ABTB2: variants seen among roughly 807,000 people sequenced by gnomAD.
ABTB2 encodes ankyrin repeat and BTB domain containing 2, also known as ankyrin repeat and BTB/POZ domain-containing protein 2.
Under a neutral mutation model 104.1 loss-of-function variants are expected in ABTB2, and 56 were observed. The ratio of observed to expected loss-of-function variants is 0.54; its 90% CI spans 0.43 to 0.67. The LOEUF (loss-of-function observed/expected upper bound fraction) is 0.67. Ranked by LOEUF, ABTB2 falls within the 30% of genes least tolerant of loss-of-function variation. ABTB2 has a pLI of 0.00. For missense variants in ABTB2, 1,279 were observed against 1,407.7 expected (o/e 0.91, Z 1.46); for synonymous variants, 606 against 608.2 (o/e 1.00, Z 0.05).
chr11:34,172,405 T>G (rs1374532676), intron 4 of ABTB2, among the ~76,000 whole-genome samples: 1 of 66,310 alleles, frequency 1.5e-5, no homozygotes, highest in Non-Finnish European at 3.4e-5. Flanking sequence ...AATATATATA[T>G]ATATATATAT....
chr11:34,206,172 C>A (rs1362874599), intron 1 of ABTB2, among the ~76,000 whole-genome samples: 1 of 152,046 alleles, frequency 6.6e-6, no homozygotes, highest in Non-Finnish European at 1.5e-5. Context: ...CCAGCCTGGC[C>A]AACACGGAGA....
intron 3 of ABTB2, among the ~76,000 whole-genome samples, chr11:34,188,198 C>T (rs943899673): frequency 6.6e-6 from 1 of 152,148 alleles, no homozygotes; most frequent in East Asian, 1.9e-4. Flanking sequence ...GAGCCGGGAC[C>T]CCATATCATG....
At chr11:34,223,587 C>G (rs1853652637) in intron 1 of ABTB2, among the ~76,000 whole-genome samples, 1 of 152,240 alleles carries the variant, frequency 6.6e-6, no homozygotes, top group African/African-American at 2.4e-5. Context: ...GTGGCCCATG[C>G]TCTAGCTCTG....
chr11:34,165,393 G>T, intron 7 of ABTB2, 37 bp from the exon 8 acceptor site: 1 of 1,543,868 alleles, frequency 6.5e-7, no homozygotes, highest in Non-Finnish European at 8.8e-7. Flanking sequence ...ACTGCTCAGC[G>T]TGGCAGGGAG....
chr11:34,178,353 G>C lies in ABTB2; in HGVS notation c.1245-5046C>G, dbSNP rs1398621466. Among the ~76,000 whole-genome samples, 4 of 152,214 alleles carry C rather than the reference G, an allele frequency of 2.6e-5. No homozygotes were observed. The East Asian group carries it at 7.7e-4, about 29-fold the overall frequency. On this transcript the variant is annotated intron_variant, in intron 3 of 16. Transcript: ENST00000435224. ...GGAACATGCCTTCCATGGGCTGTGG[G>C]TTCCAGGCTACTGTTTCCTTCCTGA...
intron 1 of ABTB2, among the ~76,000 whole-genome samples, chr11:34,321,961 T>C (rs1292477697): frequency 2.6e-5 from 4 of 152,088 alleles, no homozygotes; most frequent in Non-Finnish European, 4.4e-5. Flanking sequence ...AAGCCCAAAC[T>C]CATACCCCCA....
In ABTB2 at chr11:34,160,344, C is replaced by T. The variant is rs540401762; in HGVS notation, c.2407G>A (p.Val803Ile). The T allele has an allele frequency of 5.0e-5, 80 of 1,613,792 alleles. 1 individual carries two copies. In the South Asian group the frequency reaches 6.0e-4, roughly 12 times the overall value. ...AAGATGGTAGCCAGTTGCTGGATGA[C>T]GGAGTCGTTCTGTGGGGAGAGGAGA... is the stretch of plus-strand genomic sequence containing the variant. ...DILKTSKNDS[V>I]IQQLATIFTH... The change falls in exon 12 of 17, where the codon GTC (valine) becomes ATC (isoleucine). Residue 803 changes from valine to isoleucine, a missense_variant. Physicochemically the swap from Val to Ile is conservative, Grantham distance 29. Transcript: ENST00000435224.
intron 1 of ABTB2, among the ~76,000 whole-genome samples, chr11:34,283,432 T>C (rs1180176087): frequency 1.3e-5 from 2 of 152,142 alleles, no homozygotes; most frequent in Non-Finnish European, 2.9e-5. Flanking sequence ...GCCAGGCTGA[T>C]CTCGAACTCC....
At chr11:34,209,993 A>C (rs1435100200) in intron 1 of ABTB2, among the ~76,000 whole-genome samples, 1 of 151,890 alleles carries the variant, frequency 6.6e-6, no homozygotes, top group Non-Finnish European at 1.5e-5. Context: ...CTGAGTTAGA[A>C]GGGAAACCCA....
intron 7 of ABTB2, 142 bp downstream of exon 7, chr11:34,167,117 G>A (rs1029475954): frequency 7.0e-6 from 5 of 716,142 alleles, no homozygotes; most frequent in African/African-American, 1.8e-5. Context: ...CTGCTCTATC[G>A]ATCAGGTGAG....
In ABTB2 at chr11:34,162,914, G is replaced by A. The variant is rs955498012; in HGVS notation, c.1989-109C>T. The A allele has an allele frequency of 1.6e-4, 173 of 1,064,160 alleles. No individual in the cohort carries two copies. In the Admixed American group the frequency reaches 2.2e-3, roughly 13 times the overall value. 65.9% of individuals were successfully genotyped at this position (1,064,160 alleles called of 1,614,324 possible). Reference sequence around the variant, plus strand: ...CCCGACGGGCTGCTCTGGGGTACCCGAGGGCTCGGAGTTTCATGGTCTTCC... The same window carrying A: ...CCCGACGGGCTGCTCTGGGGTACCCAAGGGCTCGGAGTTTCATGGTCTTCC... On this transcript the variant is annotated intron_variant, in intron 9 of 16. Transcript: ENST00000435224.
chr11:34,321,696 C>A (rs113187020), intron 1 of ABTB2, among the ~76,000 whole-genome samples: 159 of 152,310 alleles, frequency 1.0e-3, no homozygotes, highest in Non-Finnish European at 1.7e-3. Context: ...TTGGGTTTTG[C>A]CTGATTTTCC....
At chr11:34,344,669 G>C (rs912469542) in intron 1 of ABTB2, among the ~76,000 whole-genome samples, 2 of 152,116 alleles carry the variant, frequency 1.3e-5, no homozygotes, top group Admixed American at 6.6e-5. Flanking sequence ...GCTAGTTTTT[G>C]TATTTTTTTG....
intron 3 of ABTB2, among the ~76,000 whole-genome samples, chr11:34,182,510 A>G (rs111980724): frequency 0.01 from 1,199 of 117,584 alleles, 29 homozygotes; most frequent in African/African-American, 0.015. Context: ...GGGGGGGGGG[A>G]AATTCACTTT....
chr11:34,162,856 G>A (rs1395126789), intron 9 of ABTB2, 51 bp from the exon 10 acceptor site: 1 of 1,507,420 alleles, frequency 6.6e-7, no homozygotes, highest in Admixed American at 1.9e-5. Context: ...CACAGGCAGT[G>A]CCCACCTGAG....
At chr11:34,312,892 G>A (rs897639007) in intron 1 of ABTB2, among the ~76,000 whole-genome samples, 6 of 152,240 alleles carry the variant, frequency 3.9e-5, no homozygotes, top group African/African-American at 9.6e-5. Flanking sequence ...AGGAGAAATC[G>A]CCTCAGAAGG....
chr11:34,154,039 C>G lies in ABTB2; in HGVS notation c.2880+226G>C, dbSNP rs971376815. ...CAGAGCTGGAATGTGAACTAGGGTG[C>G]AGCTGGCTCAAAAGCTCACCTCCCA... On this transcript the variant is annotated intron_variant, in intron 16 of 16. Transcript: ENST00000435224. The surrounding 1 kb of genome is among the most constrained non-coding windows in gnomAD (Gnocchi z 4.9). Among the ~76,000 whole-genome samples the G allele has an allele frequency of 2.0e-5, 3 of 152,160 alleles. No individual in the cohort carries two copies. The highest frequency in any genetic ancestry group is 7.2e-5 in the African/African-American group (3 of 41,420).
In ABTB2 at chr11:34,204,608, C is replaced by CTGGGCA. The variant is rs1565140326; in HGVS notation, c.960_965dup (p.Ala321_Gln322insHisAla). ...ACTGCTCCAGGGTTCGGAGCTCCAG[C>CTGGGCA]TGGGCATAGGCATCGGCTCGCTCGT... On this transcript the variant is annotated inframe_insertion, in exon 2 of 17. Transcript: ENST00000435224. The CTGGGCA allele has an allele frequency of 1.2e-6, 2 of 1,613,830 alleles. No individual in the cohort carries two copies. Among genetic ancestry groups the CTGGGCA allele is most frequent in the South Asian group, 2.2e-5 (2 of 91,068 alleles).
chr11:34,174,711 A>G (rs2133019265), intron 3 of ABTB2, among the ~76,000 whole-genome samples: 2 of 152,352 alleles, frequency 1.3e-5, no homozygotes, highest in African/African-American at 4.8e-5. Context: ...AGGGGCCCGG[A>G]TGGCAGCCTG....
Sources: allele counts gnomAD v4.1 joint callset (sites outside exome capture counted in the v4.1 genomes callset), GRCh38; gene constraint gnomAD v4.1.1; non-coding constraint Gnocchi (gnomAD v3.1); transcripts MANE v1.5; gene names NCBI Gene and HGNC (gene_info 2026-07-23, HGNC 2026-07-21).